PNN: variants seen among roughly 807,000 people sequenced by gnomAD.
PNN encodes the protein pinin, desmosome associated protein.
In PNN, 38 loss-of-function variants were observed where a neutral mutation model predicts 76.6. The observed-to-expected ratio is 0.50, with a 90% CI of 0.38 to 0.65. The LOEUF (loss-of-function observed/expected upper bound fraction) is 0.65, where lower values mean the gene tolerates loss of function less well. Ranked by LOEUF, PNN falls within the 30% of genes least tolerant of loss-of-function variation. The pLI is 0.00. For synonymous variants in PNN, 366 were observed against 283.7 expected (o/e 1.29, Z -2.91); for missense variants, 873 against 874.1 (o/e 1.00, Z 0.02).
chr14:39,182,192 C>G lies in PNN; in HGVS notation c.*329C>G. On this transcript the variant is annotated 3_prime_UTR_variant, in exon 9 of 9. Transcript: ENST00000216832. ...TAATAGGCAAATCTTTAAGTCTGTTCCCTTCTAATTCTGTATCATACATTG... is the reference window on the plus strand; with the variant it reads ...TAATAGGCAAATCTTTAAGTCTGTTGCCTTCTAATTCTGTATCATACATTG... 2 of 191,502 alleles carry G rather than the reference C, an allele frequency of 1.0e-5. No homozygotes were observed. Among genetic ancestry groups the G allele is most frequent in the East Asian group, 1.4e-4 (1 of 7,280 alleles). The allele number at this position is 191,502 out of a possible 1,614,324, so 11.9% of individuals were successfully genotyped here.
chr14:39,179,174 A>G lies in PNN; in HGVS notation c.582A>G (p.Glu194=). 2.5e-6 allele frequency: 4 copies of G among 1,614,070 alleles called. No individual in the cohort carries two copies. The highest frequency in any genetic ancestry group is 3.4e-6 in the Non-Finnish European group (4 of 1,179,972). The change falls in exon 7 of 9, where the codon GAA becomes GAG. Residue 194 remains glutamate, a synonymous_variant. Coordinates refer to ENST00000216832, the MANE Select transcript of PNN (RefSeq NM_002687.4). The stretch of plus-strand genomic sequence containing the variant: ...AGCAGGTTGAAAATGAAAGGAGAGA[A>G]CTGTTTGAAGAGAGGCGTGCTAAAC... ...ERKQVENERR[E]LFEERRAKQT...
At chr14:39,176,639 G>A in intron 3 of PNN, 44 bp downstream of exon 3, 2 of 1,103,076 alleles carry the variant, frequency 1.8e-6, no homozygotes, top group Non-Finnish European at 2.7e-6. Flanking sequence ...TAGTTTCTGA[G>A]GTACCACACA....
chr14:39,175,741 G>T, intron 1 of PNN: 1 of 463,464 alleles, frequency 2.2e-6, no homozygotes, highest in Non-Finnish European at 3.8e-6. Context: ...CCCGTTGCTG[G>T]CCCCGAGACC....
At chr14:39,175,482 TAAG>T (rs2053212821) in intron 1 of PNN, 90 bp downstream of exon 1, 1 of 798,574 alleles carries the variant, frequency 1.3e-6, no homozygotes, top group South Asian at 1.4e-5. Context: ...CGGCCAGCCT[TAAG>T]AAGACTGGAA....
chr14:39,175,687 G>A lies in PNN; in HGVS notation c.113+295G>A, dbSNP rs866705588. On this transcript the variant is annotated intron_variant, in intron 1 of 8. Transcript: ENST00000216832. ...TTCCCGCTCTCGGCCCTGCAGGCCC[G>A]GAACTGCAGCACAAAGCCCCTTCCC... is the stretch of plus-strand genomic sequence containing the variant. 2.3e-4 allele frequency: 113 copies of A among 484,096 alleles called. 2 individuals are homozygous for A. The Middle Eastern group carries it at 7.6e-3, about 33-fold the overall frequency. 30.0% of individuals were successfully genotyped at this position (484,096 alleles called of 1,614,324 possible). A position where few individuals can be genotyped will look rare whatever the true frequency, so the allele number is the denominator to read the frequency against.
chr14:39,181,256 T>C lies in PNN; in HGVS notation c.1547T>C (p.Val516Ala), dbSNP rs370261535. The C allele has an allele frequency of 5.6e-6, 9 of 1,614,002 alleles. No individual in the cohort carries two copies. In the African/African-American group the frequency reaches 1.2e-4, roughly 22 times the overall value. ...SLAVLQPTPQVTQEQGHLLPE... is the reference protein window; with the variant it reads ...SLAVLQPTPQATQEQGHLLPE... ...GCTGTTTTACAGCCAACACCCCAAG[T>C]TACTCAGGAGCAAGGGCATTTACTA... Residue 516 changes from valine (V) to alanine (A), a missense_variant, in exon 9 of 9, where the codon GTT (valine) becomes GCT (alanine). Physicochemically the swap from Val to Ala is moderately conservative, Grantham distance 64 (BLOSUM62 0). Transcript: ENST00000216832.
chr14:39,175,569 G>T (rs573578928), intron 1 of PNN, among the ~76,000 whole-genome samples, 177 bp downstream of exon 1: 1 of 152,304 alleles, frequency 6.6e-6, no homozygotes, highest in Admixed American at 6.5e-5. Context: ...GGTCCCCTCC[G>T]TAGAGCGCTG....
chr14:39,176,015 G>A (rs1401519401), intron 1 of PNN, 63 bp from the exon 2 acceptor site: 6 of 841,520 alleles, frequency 7.1e-6, no homozygotes, highest in Non-Finnish European at 1.0e-5. Flanking sequence ...ATCTCTGAAA[G>A]TATTTGGGTG....
intron 6 of PNN, among the ~76,000 whole-genome samples, chr14:39,178,743 AAAAT>A: frequency 6.8e-6 from 1 of 147,074 alleles, no homozygotes; most frequent in South Asian, 2.1e-4. Flanking sequence ...AAAAAAAAAA[AAAAT>A]TTTTTTTGAG....
intron 6 of PNN, 128 bp from the exon 7 acceptor site, chr14:39,178,963 C>A: frequency 1.2e-6 from 1 of 807,540 alleles, no homozygotes; most frequent in Non-Finnish European, 1.9e-6. Context: ...GATGATCTAC[C>A]TGCCTCTAAT....
At chr14:39,176,334 A>G (rs2053223792) in intron 2 of PNN, 185 bp downstream of exon 2, 1 of 633,582 alleles carries the variant, frequency 1.6e-6, no homozygotes, top group Non-Finnish European at 2.8e-6. Flanking sequence ...GTTGAAGAAT[A>G]TATTAAGTTT....
rs776324066 is a variant in PNN, at chr14:39,175,311, A to G, written c.32A>G (p.Gln11Arg). ...GTCGCCGTGAGAACTTTGCAGGAAC[A>G]GCTGGAAAAGGCCAAAGAGAGTCTT... MAVAVRTLQE[Q>R]LEKAKESLKN... Residue 11 changes from glutamine to arginine, a missense_variant, in exon 1 of 9, where the codon CAG becomes CGG. Gln to Arg is a conservative substitution (Grantham distance 43). Transcript: ENST00000216832. The G allele has an allele frequency of 6.2e-7, 1 of 1,610,470 alleles. No homozygotes were observed. Among genetic ancestry groups the G allele is most frequent in the Non-Finnish European group, 8.5e-7 (1 of 1,178,126 alleles).
chr14:39,175,283 G>C lies in PNN; in HGVS notation c.4G>C (p.Ala2Pro). Residue 2 changes from alanine (A) to proline (P), a missense_variant, in exon 1 of 9, where the codon GCG becomes CCG. Transcript: ENST00000216832. MAVAVRTLQEQL... is the reference protein window; with the variant it reads MPVAVRTLQEQL... Reference sequence around the variant, plus strand: ...TCAAGCCTGCCGCAGGGAGAAGATGGCGGTCGCCGTGAGAACTTTGCAGGA... The same window carrying C: ...TCAAGCCTGCCGCAGGGAGAAGATGCCGGTCGCCGTGAGAACTTTGCAGGA... 6.3e-7 allele frequency: 1 copy of C among 1,593,452 alleles called. No individual in the cohort carries two copies. The highest frequency in any genetic ancestry group is 8.6e-7 in the Non-Finnish European group (1 of 1,164,882).
chr14:39,181,771 A>G lies in PNN; in HGVS notation c.2062A>G (p.Lys688Glu). ...SKDKNSRSDR[K>E]RSISESSRSG... The stretch of plus-strand genomic sequence containing the variant: ...GGATAAGAATTCCCGGTCCGACAGA[A>G]AGAGGTCTATATCAGAGAGTAGTCG... Residue 688 changes from lysine (K) to glutamate (E), a missense_variant, in exon 9 of 9, where the codon AAG becomes GAG. Around this residue, in one of 3 missense-constraint regions of PNN, gnomAD observed 712 missense variants for 693.1 expected, o/e 1.03. Coordinates refer to ENST00000216832, the MANE Select transcript of PNN (RefSeq NM_002687.4). 6.2e-7 allele frequency: 1 copy of G among 1,614,138 alleles called. No individual in the cohort carries two copies. Among genetic ancestry groups the G allele is most frequent in the Non-Finnish European group, 8.5e-7 (1 of 1,179,990 alleles).
intron 8 of PNN, 100 bp downstream of exon 8, chr14:39,179,562 G>A: frequency 9.4e-7 from 1 of 1,067,724 alleles, no homozygotes; most frequent in Non-Finnish European, 1.3e-6. Context: ...TTCAGTGATT[G>A]GTTTGCTGTG....
In PNN at chr14:39,181,273, C is replaced by T. The variant is rs555500917; in HGVS notation, c.1564C>T (p.His522Tyr). Residue 522 changes from histidine (H) to tyrosine (Y), a missense_variant, in exon 9 of 9, where the codon CAT becomes TAT. Physicochemically the swap from His to Tyr is moderately conservative, Grantham distance 83. This residue lies in a region of PNN where 712 missense variants were observed against 693.1 expected (regional missense o/e 1.03). Transcript: ENST00000216832. ...ACCCCAAGTTACTCAGGAGCAAGGG[C>T]ATTTACTACCTGAGAGGAAGGATTT... The part of the protein sequence containing the change: ...PTPQVTQEQG[H>Y]LLPERKDFPV... 6.8e-6 allele frequency: 11 copies of T among 1,613,988 alleles called. No individual in the cohort carries two copies. The Admixed American group carries it at 1.2e-4, about 17-fold the overall frequency.
chr14:39,176,963 CT>C (rs1441077814), intron 3 of PNN, among the ~76,000 whole-genome samples: 1 of 152,196 alleles, frequency 6.6e-6, no homozygotes, highest in Admixed American at 6.5e-5. Flanking sequence ...TTGTAGTATC[CT>C]TTCTCTGCTG....
At position 39,181,270 on chromosome 14, in the gene PNN, G is replaced by A; in HGVS notation, c.1561G>A (p.Gly521Arg). 6.2e-7 allele frequency: 1 copy of A among 1,614,070 alleles called. No homozygotes were observed. The highest frequency in any genetic ancestry group is 8.5e-7 in the Non-Finnish European group (1 of 1,179,954). Residue 521 changes from glycine (G) to arginine (R), a missense_variant, in exon 9 of 9, where the codon GGG becomes AGG. This residue lies in a region of PNN where 712 missense variants were observed against 693.1 expected (regional missense o/e 1.03). Transcript: ENST00000216832. ...QPTPQVTQEQ[G>R]HLLPERKDFP... ...AACACCCCAAGTTACTCAGGAGCAA[G>A]GGCATTTACTACCTGAGAGGAAGGA...
chr14:39,177,853 A>G lies in PNN; in HGVS notation c.435A>G (p.Ile145Met), dbSNP rs1318546987. ...TTCTGTTCTTTAGGAACCGGCGAAT[A>G]TTTGGCTTGTTGATGGGTACCCTTC... ...DEKGKQRNRR[I>M]FGLLMGTLQK... The change falls in exon 6 of 9, where the codon ATA becomes ATG. Residue 145 changes from isoleucine to methionine, a missense_variant. Physicochemically the swap from Ile to Met is conservative, Grantham distance 10. Coordinates refer to ENST00000216832, the MANE Select transcript of PNN (RefSeq NM_002687.4). 2 of 1,611,408 alleles carry G rather than the reference A, an allele frequency of 1.2e-6. No homozygotes were observed. Among genetic ancestry groups the G allele is most frequent in the Admixed American group, 1.7e-5 (1 of 59,986 alleles).
Sources: allele counts gnomAD v4.1 joint callset (sites outside exome capture counted in the v4.1 genomes callset), GRCh38; gene constraint gnomAD v4.1.1; regional missense constraint gnomAD v4.1.1; transcripts MANE v1.5; gene names NCBI Gene and HGNC (gene_info 2026-07-23, HGNC 2026-07-21).